The following ATXN2 variants were observed in gnomAD, a reference collection of about 807,000 sequenced individuals.
ATXN2 encodes ataxin 2.
In ATXN2, 37 loss-of-function variants were observed where a neutral mutation model predicts 138.6. The ratio of observed to expected loss-of-function variants is 0.27; its 90% CI spans 0.21 to 0.35. The LOEUF is 0.35. ATXN2 is among the 10% of genes least tolerant of loss of function. The probability of loss-of-function intolerance (pLI) is 1.00; values close to 1 mark genes in which losing one functional copy is unlikely to be tolerated. For missense variants in ATXN2, 1,216 were observed against 1,480.3 expected (o/e 0.82, Z 2.93); for synonymous variants, 549 against 543.7 (o/e 1.01, Z -0.13).
chr12:111,599,363 G>A (rs1202618139), upstream of ATXN2: 31 of 1,160,202 alleles, frequency 2.7e-5, no homozygotes, highest in Non-Finnish European at 3.3e-5. Flanking sequence ...GGCGGCGGAG[G>A]GATACGGTCC....
At chr12:111,506,316 G>A (rs1879102492) in intron 14 of ATXN2, among the ~76,000 whole-genome samples, 1 of 151,968 alleles carries the variant, frequency 6.6e-6, no homozygotes, top group African/African-American at 2.4e-5. Context: ...ACAACATTGT[G>A]AATATTTTAA....
chr12:111,550,904 G>A (rs1462943184), intron 5 of ATXN2, among the ~76,000 whole-genome samples: 1 of 152,018 alleles, frequency 6.6e-6, no homozygotes, highest in Non-Finnish European at 1.5e-5. Flanking sequence ...AACAGCTTTT[G>A]GTATAGATTT....
At chr12:111,578,799 G>C (rs1883824975) in intron 1 of ATXN2, among the ~76,000 whole-genome samples, 1 of 152,144 alleles carries the variant, frequency 6.6e-6, no homozygotes, top group Non-Finnish European at 1.5e-5. Flanking sequence ...CCAGCACTTT[G>C]GGAGGCTGAG....
chr12:111,531,104 G>A (rs1880806026), intron 5 of ATXN2, among the ~76,000 whole-genome samples: 1 of 151,792 alleles, frequency 6.6e-6, no homozygotes, highest in African/African-American at 2.4e-5. Flanking sequence ...GGTAACAAGA[G>A]CGAAACTCTG....
chr12:111,517,312 T>C (rs1363469951), intron 9 of ATXN2, among the ~76,000 whole-genome samples: 1 of 152,124 alleles, frequency 6.6e-6, no homozygotes, highest in African/African-American at 2.4e-5. Context: ...CTAAAATCTT[T>C]CCTCAGTGAG....
intron 14 of ATXN2, among the ~76,000 whole-genome samples, chr12:111,507,015 A>ATTGT (rs1879172047): frequency 1.3e-5 from 2 of 151,870 alleles, no homozygotes; most frequent in African/African-American, 4.8e-5. Flanking sequence ...GGCTCGCTAC[A>ATTGT]ACCTCCACCT....
intron 14 of ATXN2, among the ~76,000 whole-genome samples, chr12:111,490,727 T>TA (rs1318918109): frequency 6.6e-6 from 1 of 152,102 alleles, no homozygotes. Flanking sequence ...ATAAGGAAGA[T>TA]AGTCTTGAAC....
chr12:111,472,912 T>C (rs1876515838), intron 18 of ATXN2, among the ~76,000 whole-genome samples: 8 of 152,282 alleles, frequency 5.3e-5, no homozygotes, highest in Admixed American at 4.6e-4. Flanking sequence ...GTATACTTTG[T>C]TCTTGAACAG....
intron 1 of ATXN2, among the ~76,000 whole-genome samples, chr12:111,580,560 C>T (rs1036011237): frequency 6.7e-6 from 1 of 148,344 alleles, no homozygotes; most frequent in Non-Finnish European, 1.5e-5. Flanking sequence ...GGTGTAGTCC[C>T]AGCTACTAAG....
intron 1 of ATXN2, among the ~76,000 whole-genome samples, chr12:111,592,797 A>AAAAAAAAAAAAAAAAAAAAAAAAAAAAT (rs1884740378): frequency 6.9e-6 from 1 of 145,878 alleles, no homozygotes; most frequent in Admixed American, 6.9e-5. Context: ...AAAAAAAAAA[A>AAAAAAAAAAAAAAAAAAAAAAAAAAAAT]AAAAAAAGAT....
At chr12:111,466,373 C>A (rs1472799053) in intron 20 of ATXN2, among the ~76,000 whole-genome samples, 2 of 151,100 alleles carry the variant, frequency 1.3e-5, no homozygotes, top group Non-Finnish European at 1.5e-5. Flanking sequence ...TGGTGGCGGG[C>A]GCCTGTAGTC....
intron 14 of ATXN2, among the ~76,000 whole-genome samples, chr12:111,490,133 G>T (rs1395190021): frequency 6.6e-6 from 1 of 151,506 alleles, no homozygotes; most frequent in African/African-American, 2.4e-5. Context: ...CTTGAACCCA[G>T]GAGGCGGAGG....
At chr12:111,565,466 G>A (rs1278844758) in intron 1 of ATXN2, among the ~76,000 whole-genome samples, 1 of 151,964 alleles carries the variant, frequency 6.6e-6, no homozygotes, top group Admixed American at 6.6e-5. Context: ...ATAAAGAAAA[G>A]ATTGTATTTT....
intron 5 of ATXN2, among the ~76,000 whole-genome samples, chr12:111,544,018 A>G (rs959927045): frequency 6.6e-6 from 1 of 152,172 alleles, no homozygotes; most frequent in African/African-American, 2.4e-5. Flanking sequence ...TCGAGGCTAC[A>G]GTAAGCCATG....
intron 21 of ATXN2, 100 bp from the exon 22 acceptor site, chr12:111,457,459 C>CAT: frequency 7.4e-7 from 1 of 1,359,286 alleles, no homozygotes; most frequent in Non-Finnish European, 9.9e-7. Flanking sequence ...GGTTACAATG[C>CAT]ATAACTCACG....
intron 5 of ATXN2, among the ~76,000 whole-genome samples, chr12:111,530,219 CAT>C (rs1273495488): frequency 6.6e-6 from 1 of 152,172 alleles, no homozygotes; most frequent in Non-Finnish European, 1.5e-5. Flanking sequence ...ACAATGCACT[CAT>C]AAGTCTGGAC....
Position 111,518,370 on chromosome 12 carries a change from A to ACTT in ATXN2, c.1041_1043dup (p.Gly347_Ser348insArg). ...CCATACGCGGTGAATTCTGTCTCCC[A>ACTT]CTTCCCCAGGATATGACTTCTCTAT... On this transcript the variant is annotated inframe_insertion, in exon 9 of 25. Coordinates refer to ENST00000673436, the MANE Select transcript of ATXN2 (RefSeq NM_001372574.1). The ACTT allele has an allele frequency of 6.2e-7, 1 of 1,613,310 alleles. No individual in the cohort carries two copies. Among genetic ancestry groups the ACTT allele is most frequent in the Non-Finnish European group, 8.5e-7 (1 of 1,179,446 alleles).
intron 20 of ATXN2, among the ~76,000 whole-genome samples, chr12:111,465,868 T>C (rs1053123201): frequency 2.1e-5 from 3 of 146,084 alleles, no homozygotes; most frequent in African/African-American, 8.1e-5. Flanking sequence ...GGAAGTTAGA[T>C]TAAGAGACAT....
chr12:111,484,178 T>C (rs955721298), intron 18 of ATXN2, among the ~76,000 whole-genome samples: 5 of 152,158 alleles, frequency 3.3e-5, no homozygotes, highest in Admixed American at 3.3e-4. Context: ...ACTGTAGGTA[T>C]ATATAAAGCA....
Sources: gnomAD v4.1 joint callset for allele counts (sites outside exome capture counted in the v4.1 genomes callset) on GRCh38, gnomAD v4.1.1 for gene constraint, MANE v1.5 for transcripts, NCBI Gene and HGNC (gene_info 2026-07-23, HGNC 2026-07-21) for gene names.